Variants in EML6 observed in about 807,000 individuals in gnomAD.
The protein encoded by EML6 is EMAP like 6.
EML6 carries 154 observed loss-of-function variants against 240.1 expected under a neutral mutation model. The observed-to-expected ratio is 0.64, with a 90% confidence interval of 0.56 to 0.73. The LOEUF is 0.73. EML6 is among the 30% of genes least tolerant of loss of function. The pLI is 0.00. For missense variants in EML6, 2,964 were observed against 2,474.6 expected, an observed-to-expected ratio of 1.20 and a Z score of -4.20; for synonymous variants, 1,148 against 899.0, an observed-to-expected ratio of 1.28 and a Z score of -4.95.
At chr2:54,923,571 C>T (rs887190991) in intron 26 of EML6, among the ~76,000 whole-genome samples, 1 of 152,154 alleles carries the variant, frequency 6.6e-6, no homozygotes, top group Non-Finnish European at 1.5e-5. Context: ...CATCAAGATA[C>T]TTACCCCTAA....
intron 16 of EML6, among the ~76,000 whole-genome samples, chr2:54,875,877 C>T (rs1208432769): frequency 6.6e-6 from 1 of 152,094 alleles, no homozygotes; most frequent in Non-Finnish European, 1.5e-5. Flanking sequence ...AAATATCAAC[C>T]ATATAATTTT....
At chr2:54,827,810 T>C (rs1389449302) in intron 6 of EML6, 59 bp downstream of exon 6, 2 of 1,200,132 alleles carry the variant, frequency 1.7e-6, no homozygotes, top group Non-Finnish European at 2.4e-6. Context: ...AGACCACGAA[T>C]CCCTCCCTGT....
At chr2:54,891,199 C>G (rs1338561233) in intron 18 of EML6, 45 bp downstream of exon 18, 2 of 987,158 alleles carry the variant, frequency 2.0e-6, no homozygotes, top group Non-Finnish European at 1.5e-6. Flanking sequence ...AGAGCTTTAC[C>G]CTAGCTGGAA....
intron 5 of EML6, among the ~76,000 whole-genome samples, chr2:54,824,880 G>A (rs1668512914): frequency 6.6e-6 from 1 of 152,170 alleles, no homozygotes; most frequent in Non-Finnish European, 1.5e-5. Flanking sequence ...CATTTGATGT[G>A]AATTTAATGA....
chr2:54,953,333 C>T (rs1434405678), intron 31 of EML6, among the ~76,000 whole-genome samples: 4 of 152,140 alleles, frequency 2.6e-5, no homozygotes, highest in Non-Finnish European at 5.9e-5. Flanking sequence ...CTGTTCCATC[C>T]GTGAGTAGTT....
intron 2 of EML6, among the ~76,000 whole-genome samples, chr2:54,767,209 GCA>G: frequency 6.6e-6 from 1 of 152,036 alleles, no homozygotes. Context: ...ATTAACTGAT[GCA>G]ACATAAACAC....
At chr2:54,806,816 T>C (rs1377905190) in intron 2 of EML6, among the ~76,000 whole-genome samples, 1 of 152,030 alleles carries the variant, frequency 6.6e-6, no homozygotes, top group East Asian at 1.9e-4. Context: ...GTAGGTACTG[T>C]TGTTATTCCC....
In EML6 at chr2:54,862,430, A is replaced by T. The variant is rs79369528; in HGVS notation, c.1826-1353A>T. Among the ~76,000 whole-genome samples the T allele has an allele frequency of 4.3e-3, 655 of 151,412 alleles. 7 individuals are homozygous for T. Among genetic ancestry groups the T allele is most frequent in the African/African-American group, 0.015 (625 of 41,276 alleles). ...ATAGAGAGGTTCAACAGCAGACTAGATTAAGCAGAAGAAAGGAACAGTGAA... is the reference window on the plus strand; with the variant it reads ...ATAGAGAGGTTCAACAGCAGACTAGTTTAAGCAGAAGAAAGGAACAGTGAA... On this transcript the variant is annotated intron_variant, in intron 12 of 41. Coordinates refer to ENST00000356458, the MANE Select transcript of EML6 (RefSeq NM_001039753.4).
At chr2:54,932,864 C>G (rs906317845) in intron 28 of EML6, among the ~76,000 whole-genome samples, 1 of 152,176 alleles carries the variant, frequency 6.6e-6, no homozygotes, top group Non-Finnish European at 1.5e-5. Context: ...ACCAAAGTCA[C>G]ACCTAGCTTA....
At chr2:54,839,733 G>T (rs183795969) in intron 7 of EML6, among the ~76,000 whole-genome samples, 3 of 152,172 alleles carry the variant, frequency 2.0e-5, no homozygotes, top group Non-Finnish European at 2.9e-5. Context: ...CTATTTCCTG[G>T]CCCTCTCCTT....
In EML6 at chr2:54,895,329, A is replaced by T; in HGVS notation, c.2911A>T (p.Ile971Phe). ...IRAITLGHGH[I>F]LVGTKNGEIL... ...TGCCATCACTTTGGGACATGGACAT[A>T]TCCTGGTGGGAACAAAAAATGGAGA... is the stretch of plus-strand genomic sequence containing the variant. Residue 971 changes from isoleucine (I) to phenylalanine (F), a missense_variant, in exon 21 of 42, where the codon ATC becomes TTC. Coordinates refer to ENST00000356458, the MANE Select transcript of EML6 (RefSeq NM_001039753.4). The T allele has an allele frequency of 6.4e-7, 1 of 1,551,942 alleles. No homozygotes were observed. The highest frequency in any genetic ancestry group is 1.2e-5 in the South Asian group (1 of 84,052).
intron 7 of EML6, among the ~76,000 whole-genome samples, chr2:54,843,255 C>T (rs1446543559): frequency 2.6e-5 from 4 of 151,996 alleles, no homozygotes; most frequent in Admixed American, 1.3e-4. Context: ...ATAGCAAGAC[C>T]TTGTCTCTAG....
chr2:54,882,873 A>AAAAAAAAAAAAAAAAAAAAGAG (rs796515025), intron 17 of EML6: 5 of 112,358 alleles, frequency 4.5e-5, no homozygotes, highest in African/African-American at 1.8e-4. Flanking sequence ...AAAAAAAAAA[A>AAAAAAAAAAAAAAAAAAAAGAG]AGAAAGCTTA....
chr2:54,824,084 G>C (rs1668471760), intron 5 of EML6, among the ~76,000 whole-genome samples: 1 of 152,014 alleles, frequency 6.6e-6, no homozygotes, highest in Non-Finnish European at 1.5e-5. Context: ...TTTCTTTAGT[G>C]AACTACCTTG....
chr2:54,903,228 GCA>G (rs1185646896), intron 23 of EML6, 32 bp downstream of exon 23: 3 of 1,545,702 alleles, frequency 1.9e-6, no homozygotes, highest in Non-Finnish European at 2.6e-6. Flanking sequence ...TTTTAAAATA[GCA>G]CAGTCTTGGG....
chr2:54,952,750 G>A, intron 31 of EML6, 58 bp downstream of exon 31: 1 of 1,182,272 alleles, frequency 8.5e-7, no homozygotes, highest in Non-Finnish European at 1.2e-6. Flanking sequence ...TGACCTGTCA[G>A]CAATTATTGG....
chr2:54,951,335 C>T (rs1675965580), intron 30 of EML6, among the ~76,000 whole-genome samples: 1 of 152,030 alleles, frequency 6.6e-6, no homozygotes, highest in African/African-American at 2.4e-5. Flanking sequence ...GAGTTCGAGA[C>T]CAGCCCGGTC....
chr2:54,863,603 A>ACTAAACCAAAT, intron 12 of EML6, among the ~76,000 whole-genome samples, 180 bp from the exon 13 acceptor site: 1 of 152,274 alleles, frequency 6.6e-6, no homozygotes, highest in South Asian at 2.1e-4. Flanking sequence ...AAAGGAGTGA[A>ACTAAACCAAAT]GGGTGGGCTG....
intron 25 of EML6, among the ~76,000 whole-genome samples, chr2:54,914,700 A>AGAGG (rs1673817259): frequency 6.6e-6 from 1 of 152,176 alleles, no homozygotes; most frequent in African/African-American, 2.4e-5. Flanking sequence ...AGAGCATTGA[A>AGAGG]GAGGTAGCTC....
Sources: gnomAD v4.1 joint callset for allele counts (sites outside exome capture counted in the v4.1 genomes callset) on GRCh38, gnomAD v4.1.1 for gene constraint, MANE v1.5 for transcripts, NCBI Gene and HGNC (gene_info 2026-07-23, HGNC 2026-07-21) for gene names.